Variants in TTN observed in about 807,000 individuals in gnomAD.
TTN encodes titin.
A neutral mutation model predicts 3,223.0 loss-of-function variants in TTN; 1,525 were observed. The ratio of observed to expected loss-of-function variants is 0.47; its 90% CI spans 0.45 to 0.49. TTN has a LOEUF of 0.49. Among genes scored for constraint, TTN ranks in the 20% least tolerant of loss-of-function variants. The probability of loss-of-function intolerance (pLI) is 0.00; values close to 1 mark genes in which losing one functional copy is unlikely to be tolerated. For synonymous variants in TTN, 14,094 were observed against 15,161.0 expected (o/e 0.93, Z 5.17); for missense variants, 40,786 against 43,424.0 (o/e 0.94, Z 5.40).
rs2055612243 is a variant in TTN, at chr2:178,608,971, T to A, written c.52103-63A>T. 5.1e-6 allele frequency: 8 copies of A among 1,555,870 alleles called. No individual in the cohort carries two copies. The Admixed American group carries it at 1.5e-4, about 29-fold the overall frequency. Reference sequence around the variant, plus strand: ...GTGGGAAGGGTTGCTATGGAAAATATAAATGTGAGCATGCTCCTCTGACAT... The same window carrying A: ...GTGGGAAGGGTTGCTATGGAAAATAAAAATGTGAGCATGCTCCTCTGACAT... On this transcript the variant is annotated intron_variant, in intron 273 of 362. Coordinates refer to ENST00000589042, the MANE Select transcript of TTN (RefSeq NM_001267550.2).
chr2:178,678,979 G>T (rs1466412852), intron 142 of TTN, 149 bp from the exon 143 acceptor site: 4 of 688,306 alleles, frequency 5.8e-6, no homozygotes, highest in Non-Finnish European at 9.5e-6. Context: ...CAAAACAAAG[G>T]CCAGAAAATA....
Position 178,633,930 on chromosome 2 carries a change from G to T in TTN, c.42569C>A (p.Ser14190Tyr). ...KLHTSRTVLI[S>Y]SEGKTHKLEM... The stretch of plus-strand genomic sequence containing the variant: ...CAATTTGTGAGTCTTGCCCTCAGAA[G>T]AGATGAGTACTGTTCTGCTTGTATG... Residue 14190 changes from serine (S) to tyrosine (Y), a missense_variant, in exon 231 of 363, where the codon TCT becomes TAT. Transcript: ENST00000589042. The T allele has an allele frequency of 5.0e-6, 8 of 1,613,400 alleles. No homozygotes were observed. The highest frequency in any genetic ancestry group is 5.9e-6 in the Non-Finnish European group (7 of 1,179,562).
chr2:178,595,469 A>G (rs1475565160), intron 295 of TTN, 38 bp downstream of exon 295: 1 of 1,528,210 alleles, frequency 6.5e-7, no homozygotes, highest in Non-Finnish European at 8.8e-7. Flanking sequence ...AAATGAGTAA[A>G]GAAGTGATTA....
chr2:178,613,130 G>A lies in TTN; in HGVS notation c.49648+31C>T, dbSNP rs771981870. On this transcript the variant is annotated intron_variant, in intron 264 of 362. Coordinates refer to ENST00000589042, the MANE Select transcript of TTN (RefSeq NM_001267550.2). ...TCAAAAAGGAGTTCATATGAACTTC[G>A]AAATAACCACAAAAATTATATAAAT... The A allele has an allele frequency of 3.1e-6, 5 of 1,607,670 alleles. 1 individual carries two copies. The highest frequency in any genetic ancestry group is 3.4e-5 in the Admixed American group (2 of 58,760).
At position 178,583,857 on chromosome 2, in the gene TTN, A is replaced by T; in HGVS notation, c.65325T>A (p.Ser21775=). Residue 21775 remains serine (S), a synonymous_variant, in exon 312 of 363, where the codon TCT becomes TCA. Coordinates refer to ENST00000589042, the MANE Select transcript of TTN (RefSeq NM_001267550.2). ...CATGCTTTGGACGAGCCCAGATCAG[A>T]GATACAGTACTCTTGGTGACATCAA... The part of the protein sequence containing the change: ...EVIDVTKSTV[S]LIWARPKHDG... 6.2e-7 allele frequency: 1 copy of T among 1,607,816 alleles called. No homozygotes were observed. Among genetic ancestry groups the T allele is most frequent in the Non-Finnish European group, 8.5e-7 (1 of 1,176,808 alleles).
At chr2:178,691,988 A>G in intron 121 of TTN, 28 bp downstream of exon 121, 2 of 1,589,062 alleles carry the variant, frequency 1.3e-6, no homozygotes, top group Non-Finnish European at 1.7e-6. Flanking sequence ...TGGAGCAAAG[A>G]GTCTCCCCAT....
In TTN at chr2:178,578,094, T is replaced by G. The variant is rs565644396; in HGVS notation, c.68421A>C (p.Gly22807=). Residue 22807 remains glycine, a synonymous_variant, in exon 322 of 363, where the codon GGA becomes GGC. Coordinates refer to ENST00000589042, the MANE Select transcript of TTN (RefSeq NM_001267550.2). ...ATTCATATTCAAGACCTTCAGTTAA[T>G]CCTGTCACTTTAAAGTCTCTCATCC... ...PIRMRDFKVT[G]LTEGLEYEFR... is the part of the protein sequence containing the mutation. The G allele has an allele frequency of 2.5e-6, 4 of 1,613,194 alleles. No individual in the cohort carries two copies. The highest frequency in any genetic ancestry group is 3.4e-6 in the Non-Finnish European group (4 of 1,179,490).
Position 178,615,636 on chromosome 2 carries a change from C to T in TTN, c.48460+5G>A, listed in dbSNP as rs374413644. ...TAGGTAAGAAATCATCAAGAATGTA[C>T]TCACTTGCAGGAGTTGACATATTTA... On this transcript the variant is annotated splice_donor_5th_base_variant and intron_variant, in intron 258 of 362. Transcript: ENST00000589042. The T allele has an allele frequency of 2.9e-5, 46 of 1,611,980 alleles. No individual in the cohort carries two copies. In the African/African-American group the frequency reaches 4.5e-4, roughly 16 times the overall value.
intron 171 of TTN, 33 bp downstream of exon 171, chr2:178,663,594 C>G (rs923518077): frequency 6.2e-7 from 1 of 1,613,528 alleles, no homozygotes; most frequent in Non-Finnish European, 8.5e-7. Context: ...AGAAGAGATA[C>G]ATCATCTGAA....
In TTN at chr2:178,781,236, G is replaced by A. The variant is rs759010767; in HGVS notation, c.3408C>T (p.Thr1136=). The change falls in exon 21 of 363, where the codon ACC becomes ACT. Residue 1136 remains threonine (T), a synonymous_variant. Coordinates refer to ENST00000589042, the MANE Select transcript of TTN (RefSeq NM_001267550.2). ...YRYKVSYNKQ[T]GECKLVISMT... ...TAGAAATCACCAGCTTGCATTCACCGGTTTGTTTGTTGTAACTCACTTTGT... is the reference window on the plus strand; with the variant it reads ...TAGAAATCACCAGCTTGCATTCACCAGTTTGTTTGTTGTAACTCACTTTGT... The A allele has an allele frequency of 1.6e-5, 26 of 1,613,862 alleles. No individual in the cohort carries two copies. The highest frequency in any genetic ancestry group is 5.5e-5 in the South Asian group (5 of 91,080).
In TTN at chr2:178,569,639, G is replaced by A. The variant is rs374426354; in HGVS notation, c.76493C>T (p.Pro25498Leu). ...TTCTAATTTTTCTTCAACTATAATA[G>A]GTCCAGGGACGTCAGCATGTTCTCC... ...GVGEHADVPG[P>L]IIVEEKLEAP... The change falls in exon 326 of 363, where the codon CCT becomes CTT. Residue 25498 changes from proline (P) to leucine (L), a missense_variant. Transcript: ENST00000589042. The A allele has an allele frequency of 1.4e-5, 23 of 1,611,822 alleles. No homozygotes were observed. The highest frequency in any genetic ancestry group is 1.9e-5 in the Non-Finnish European group (22 of 1,179,004).
rs1182527440 is a variant in TTN at position 178,686,081 on chromosome 2, A to G, written c.32312-483T>C. ...TGGTAGAAGAGGCAGGAGGCTTCAC[A>G]TGATTTTTGAGCCTAAGTGTATACA... On this transcript the variant is annotated intron_variant, in intron 127 of 362. Transcript: ENST00000589042. Among the ~76,000 whole-genome samples, 18 of 144,286 alleles carry G rather than the reference A, an allele frequency of 1.2e-4. No individual in the cohort carries two copies. The East Asian group carries it at 3.5e-3, about 28-fold the overall frequency. 94.7% of individuals were successfully genotyped at this position (144,286 alleles called of 152,430 possible). A position where few individuals can be genotyped will look rare whatever the true frequency, so the allele number is the denominator to read the frequency against.
rs573795924 is a variant in TTN, at chr2:178,641,478, G to T, written c.40559-163C>A. 2.4e-3 allele frequency: 1,089 copies of T among 447,330 alleles called. 1 individual carries two copies. Among genetic ancestry groups the T allele is most frequent in the Non-Finnish European group, 3.2e-3 (831 of 256,834 alleles). 27.7% of individuals were successfully genotyped at this position (447,330 alleles called of 1,614,324 possible). On this transcript the variant is annotated intron_variant, in intron 219 of 362. Transcript: ENST00000589042. Reference sequence around the variant, plus strand: ...TTACACCGAAAGTGTTTTTTGTTTTGTTTTTTTTAAAATCAAAGGTTGTCA... The same window carrying T: ...TTACACCGAAAGTGTTTTTTGTTTTTTTTTTTTTAAAATCAAAGGTTGTCA...
In TTN at chr2:178,611,868, G is replaced by A; in HGVS notation, c.50441C>T (p.Thr16814Ile). The stretch of plus-strand genomic sequence containing the variant: ...GACCTCTGTTCCTTCGATGACATCA[G>A]TTACTCTGAAGTTACAGTCAGGTCC... The part of the protein sequence containing the change: ...TAGPDCNFRV[T>I]DVIEGTEVQF... The change falls in exon 268 of 363, where the codon ACT becomes ATT. Residue 16814 changes from threonine (T) to isoleucine (I), a missense_variant. Thr to Ile is a moderately conservative substitution (Grantham distance 89). Coordinates refer to ENST00000589042, the MANE Select transcript of TTN (RefSeq NM_001267550.2). The A allele has an allele frequency of 6.2e-7, 1 of 1,612,900 alleles. No individual in the cohort carries two copies. Among genetic ancestry groups the A allele is most frequent in the Non-Finnish European group, 8.5e-7 (1 of 1,179,270 alleles).
intron 330 of TTN, chr2:178,556,065 G>A (rs1402008279): frequency 1.3e-5 from 2 of 152,216 alleles, no homozygotes; most frequent in African/African-American, 4.8e-5. Context: ...TGAGGGCTGT[G>A]AGAACTAAGG....
At chr2:178,540,820 A>G (rs1694098324) in intron 350 of TTN, among the ~76,000 whole-genome samples, 1 of 152,186 alleles carries the variant, frequency 6.6e-6, no homozygotes. Flanking sequence ...AAACAAAAGA[A>G]AGAAAAAAGA....
Position 178,728,984 on chromosome 2 carries a change from T to C in TTN, c.19054A>G (p.Arg6352Gly), listed in dbSNP as rs569003242. The change falls in exon 65 of 363, where the codon AGA becomes GGA. Residue 6352 changes from arginine (R) to glycine (G), a missense_variant. By Grantham distance (125) the Arg-to-Gly change is moderately radical. Coordinates refer to ENST00000589042, the MANE Select transcript of TTN (RefSeq NM_001267550.2). ...FVDSVATLQI[R>G]SVDNGHSGRY... ...CCACTGTGTCCATTATCCACACTTC[T>C]GATTTGAAGTGTGGCCACACTGTCC... The C allele has an allele frequency of 8.7e-6, 14 of 1,613,100 alleles. No homozygotes were observed. Among genetic ancestry groups the C allele is most frequent in the Non-Finnish European group, 1.2e-5 (14 of 1,179,514 alleles).
intron 60 of TTN, 38 bp downstream of exon 60, chr2:178,730,887 G>T (rs760357542): frequency 6.5e-7 from 1 of 1,542,146 alleles, no homozygotes; most frequent in Non-Finnish European, 8.7e-7. Flanking sequence ...AAGGAGCATG[G>T]AAATGCCCAA....
In TTN at chr2:178,559,474, C is replaced by G. The variant is rs760858743; in HGVS notation, c.86658G>C (p.Glu28886Asp). The change falls in exon 326 of 363, where the codon GAG becomes GAC. Residue 28886 changes from glutamate to aspartate, a missense_variant. Physicochemically the swap from Glu to Asp is conservative, Grantham distance 45 (BLOSUM62 2). Coordinates refer to ENST00000589042, the MANE Select transcript of TTN (RefSeq NM_001267550.2). ...PVKNYHIEKR[E>D]ASKKAWVSVT... ...CAGAGACCCATGCTTTCTTGCTGGC[C>G]TCACGTTTTTCTATGTGGTAATTCT... The G allele has an allele frequency of 6.2e-7, 1 of 1,613,676 alleles. No homozygotes were observed. Among genetic ancestry groups the G allele is most frequent in the Non-Finnish European group, 8.5e-7 (1 of 1,179,710 alleles).
Sources: gnomAD v4.1 joint callset for allele counts (sites outside exome capture counted in the v4.1 genomes callset) on GRCh38, gnomAD v4.1.1 for gene constraint, MANE v1.5 for transcripts, NCBI Gene and HGNC (gene_info 2026-07-23, HGNC 2026-07-21) for gene names.